Variants in MTA3 observed in about 807,000 individuals in gnomAD.
MTA3 encodes metastasis associated 1 family member 3.
A neutral mutation model predicts 83.5 loss-of-function variants in MTA3; 34 were observed. That is an observed-to-expected ratio of 0.41 (90% CI 0.31 to 0.54). The LOEUF (loss-of-function observed/expected upper bound fraction) is 0.54, where lower values mean the gene tolerates loss of function less well. Ranked by LOEUF, MTA3 falls within the 20% of genes least tolerant of loss-of-function variation. The probability of loss-of-function intolerance (pLI) is 0.33; values close to 1 mark genes in which losing one functional copy is unlikely to be tolerated. For missense variants in MTA3, 761 were observed against 726.4 expected (o/e 1.05, Z -0.55); for synonymous variants, 303 against 252.7 (o/e 1.20, Z -1.89).
chr2:42,659,625 G>T, intron 7 of MTA3, 138 bp from the exon 8 acceptor site: 1 of 458,888 alleles, frequency 2.2e-6, no homozygotes, highest in South Asian at 4.5e-5. Context: ...TTTGATGTTT[G>T]ATTCTCATTC....
rs1461715096 is a variant in MTA3 at position 42,669,275 on chromosome 2, CT to C, written c.702+9417del. Among the ~76,000 whole-genome samples the C allele has an allele frequency of 2.0e-5, 3 of 151,990 alleles. No homozygotes were observed. The East Asian group carries it at 5.8e-4, about 29-fold the overall frequency. ...TTTTTGTGTTTTTAGCAGAGATGGG[CT>C]TTTCACCATGTTTGCCAGGCTGGTC... On this transcript the variant is annotated intron_variant, in intron 8 of 16. Transcript: ENST00000405094.
At chr2:42,505,776 T>C (rs1208427268) in intron 2 of MTA3, among the ~76,000 whole-genome samples, 2 of 150,854 alleles carry the variant, frequency 1.3e-5, no homozygotes, top group East Asian at 3.9e-4. Context: ...GATAATTTTT[T>C]TTTTTTTTTT....
intron 15 of MTA3, among the ~76,000 whole-genome samples, chr2:42,720,101 G>A (rs1483539988): frequency 1.3e-5 from 2 of 152,016 alleles, no homozygotes; most frequent in African/African-American, 4.8e-5. Flanking sequence ...AATGTTCCAG[G>A]ATTCAGAGGC....
At chr2:42,746,467 A>T (rs576354966) in intron 16 of MTA3, among the ~76,000 whole-genome samples, 21 of 152,194 alleles carry the variant, frequency 1.4e-4, no homozygotes, top group Non-Finnish European at 2.9e-4. Flanking sequence ...AGCAGACATA[A>T]GCTGAGTATC....
chr2:42,535,193 C>T (rs1446524892), intron 2 of MTA3, among the ~76,000 whole-genome samples: 1 of 151,826 alleles, frequency 6.6e-6, no homozygotes, highest in Non-Finnish European at 1.5e-5. Context: ...TCGAGACCAG[C>T]CTGGCCAACA....
At chr2:42,589,762 G>C (rs750255636) in intron 3 of MTA3, among the ~76,000 whole-genome samples, 14 of 152,230 alleles carry the variant, frequency 9.2e-5, no homozygotes, top group Non-Finnish European at 1.8e-4. Flanking sequence ...ATGTTGCCCA[G>C]GCTGAAGTAT....
At chr2:42,564,869 T>C (rs546413245), upstream of MTA3, among the ~76,000 whole-genome samples, 270 of 152,236 alleles carry the variant, frequency 1.8e-3, 2 homozygotes, top group African/African-American at 5.9e-3. Context: ...CTCTGCCTCC[T>C]GGGTTCAAGC....
intron 4 of MTA3, among the ~76,000 whole-genome samples, chr2:42,625,945 T>C (rs968944123): frequency 2.0e-5 from 3 of 148,878 alleles, no homozygotes; most frequent in Non-Finnish European, 3.0e-5. Flanking sequence ...CTTTTTTTTT[T>C]CTTTTTTTTT....
chr2:42,729,223 A>G (rs1053255599), intron 16 of MTA3, among the ~76,000 whole-genome samples: 1 of 146,188 alleles, frequency 6.8e-6, no homozygotes, highest in South Asian at 2.2e-4. Flanking sequence ...CAGCCTACCC[A>G]GTAGCTGGGA....
chr2:42,563,727 A>G (rs1007626950), upstream of MTA3, among the ~76,000 whole-genome samples: 9 of 151,734 alleles, frequency 5.9e-5, no homozygotes, highest in Admixed American at 5.9e-4. Flanking sequence ...CGGCCTCCCA[A>G]AGTGCTGGGA....
chr2:42,543,956 T>G (rs958313832), intron 2 of MTA3, among the ~76,000 whole-genome samples: 1 of 152,046 alleles, frequency 6.6e-6, no homozygotes, highest in Admixed American at 6.6e-5. Context: ...AACAGGAAGA[T>G]AGCCGAGCCA....
intron 16 of MTA3, among the ~76,000 whole-genome samples, chr2:42,751,376 TAGGA>T (rs1474754830): frequency 1.3e-5 from 2 of 152,240 alleles, no homozygotes; most frequent in Non-Finnish European, 2.9e-5. Context: ...CATCATGGTC[TAGGA>T]AGGAGACTGA....
At chr2:42,588,855 A>G (rs954128199) in intron 3 of MTA3, among the ~76,000 whole-genome samples, 2 of 152,154 alleles carry the variant, frequency 1.3e-5, no homozygotes, top group East Asian at 3.8e-4. Flanking sequence ...ATATACATAT[A>G]AAGAGATTTT....
At chr2:42,617,937 T>C (rs960143993) in intron 4 of MTA3, among the ~76,000 whole-genome samples, 6 of 152,100 alleles carry the variant, frequency 3.9e-5, no homozygotes, top group African/African-American at 1.4e-4. Flanking sequence ...AACAACTCTT[T>C]TTTTAAAAAA....
rs1689240583 is a variant in MTA3 at position 42,657,102 on chromosome 2, C to CT, written c.602+801dup. On this transcript the variant is annotated intron_variant, in intron 7 of 16. Transcript: ENST00000405094. ...GATCTAGGAGTATATATAGGGAACT[C>CT]TAACAAATTTATAATATTTATTTTT... Among the ~76,000 whole-genome samples, 3 of 152,140 alleles carry CT rather than the reference C, an allele frequency of 2.0e-5. No homozygotes were observed. The East Asian group carries it at 5.8e-4, about 29-fold the overall frequency.
At chr2:42,518,991 AC>A (rs1675287323) in intron 2 of MTA3, among the ~76,000 whole-genome samples, 1 of 128,764 alleles carries the variant, frequency 7.8e-6, no homozygotes, top group Non-Finnish European at 1.7e-5. Context: ...ACACACACAC[AC>A]ACACACACAC....
At chr2:42,598,999 C>T (rs752636641) in intron 3 of MTA3, among the ~76,000 whole-genome samples, 3 of 152,144 alleles carry the variant, frequency 2.0e-5, no homozygotes, top group Non-Finnish European at 4.4e-5. Context: ...GTTCACTCTG[C>T]CCCTTTCTTG....
rs1198340929 is a variant in MTA3 at position 42,709,268 on chromosome 2, A to G, written c.1525+172A>G. 3 of 1,381,524 alleles carry G rather than the reference A, an allele frequency of 2.2e-6. No individual in the cohort carries two copies. The African/African-American group carries it at 6.2e-5, about 29-fold the overall frequency. The allele number at this position is 1,381,524 out of a possible 1,614,324, so 85.6% of individuals were successfully genotyped here. ...GTTTTTGTGTGCTGCCATTTGTATC[A>G]TGCCAACCTGGAAAAAAAAAATCAA... On this transcript the variant is annotated intron_variant, in intron 14 of 16. Coordinates refer to ENST00000405094, the MANE Select transcript of MTA3 (RefSeq NM_001330442.2).
At chr2:42,674,830 C>A (rs1320933994) in intron 8 of MTA3, among the ~76,000 whole-genome samples, 31 of 151,642 alleles carry the variant, frequency 2.0e-4, no homozygotes, top group Non-Finnish European at 2.9e-5. Context: ...ATCTCTTGAC[C>A]TCGTGATGAT....
Sources: allele counts gnomAD v4.1 joint callset (sites outside exome capture counted in the v4.1 genomes callset), GRCh38; gene constraint gnomAD v4.1.1; transcripts MANE v1.5; gene names NCBI Gene and HGNC (gene_info 2026-07-23, HGNC 2026-07-21).